PCSK6: variants seen among roughly 807,000 people sequenced by gnomAD.
PCSK6 encodes the protein proprotein convertase subtilisin/kexin type 6.
A neutral mutation model predicts 123.3 loss-of-function variants in PCSK6; 85 were observed. That is an observed-to-expected ratio of 0.69 (90% CI 0.58 to 0.83). PCSK6 has a LOEUF of 0.83. PCSK6 is among the 40% of genes least tolerant of loss of function. The pLI, the probability that PCSK6 is intolerant of heterozygous loss-of-function variation, is 0.00. For synonymous variants in PCSK6, 508 were observed against 516.0 expected, an observed-to-expected ratio of 0.98 and a Z score of 0.21; for missense variants, 1,191 against 1,282.3, an observed-to-expected ratio of 0.93 and a Z score of 1.09.
rs1437342868 is a variant in PCSK6 at position 101,329,773 on chromosome 15, T to A, written c.2077+1878A>T. 2.6e-5 allele frequency among the ~76,000 whole-genome samples: 4 copies of A among 152,228 alleles called. No homozygotes were observed. In the East Asian group the frequency reaches 7.7e-4, roughly 29 times the overall value. ...CAGCTTCCTTTGCTCAACCATGGCTTCTTTCCTGAGGCCCAGGCTTCCCTG... is the reference window on the plus strand; with the variant it reads ...CAGCTTCCTTTGCTCAACCATGGCTACTTTCCTGAGGCCCAGGCTTCCCTG... On this transcript the variant is annotated intron_variant, in intron 15 of 21. Transcript: ENST00000611716.
chr15:101,326,512 G>C (rs2040256942), intron 15 of PCSK6, 33 bp from the exon 16 acceptor site: 2 of 1,536,052 alleles, frequency 1.3e-6, no homozygotes, highest in African/African-American at 1.4e-5. Context: ...TTCATCCAGA[G>C]AGACGCCTTC....
In PCSK6 at chr15:101,307,299, G is replaced by A. The variant is rs1283349603; in HGVS notation, c.2726C>T (p.Ala909Val). 3 of 1,613,334 alleles carry A rather than the reference G, an allele frequency of 1.9e-6. No individual in the cohort carries two copies. The highest frequency in any genetic ancestry group is 2.2e-5 in the South Asian group (2 of 90,986). ...CCTGCTACAGTTCCTGCTGGAGCCT[G>A]CACAGCTCAAGCAGTTCTCGTCACA... ...RRCDENCLSC[A>V]GSSRNCSRCK... Residue 909 changes from alanine to valine, a missense_variant, in exon 21 of 22, where the codon GCA (alanine) becomes GTA (valine). Ala to Val is a moderately conservative substitution (Grantham distance 64). Transcript: ENST00000611716.
At chr15:101,346,966 C>G in intron 13 of PCSK6, 1 of 1,231,454 alleles carries the variant, frequency 8.1e-7, no homozygotes, top group Non-Finnish European at 1.0e-6. Flanking sequence ...GTCACGGCCC[C>G]GTGAAAGAGA....
intron 19 of PCSK6, among the ~76,000 whole-genome samples, chr15:101,314,324 G>T (rs571500621): frequency 2.0e-5 from 3 of 152,280 alleles, no homozygotes; most frequent in African/African-American, 7.2e-5. Flanking sequence ...ACCTCCTCTG[G>T]GCCAGGTGTC....
rs2039673431 is a variant in PCSK6, at chr15:101,304,100, A to G, written c.*1158T>C. 2 of 152,780 alleles carry G rather than the reference A, an allele frequency of 1.3e-5. No individual in the cohort carries two copies. The highest frequency in any genetic ancestry group is 3.8e-4 in the East Asian group (2 of 5,196). 9.5% of individuals were successfully genotyped at this position (152,780 alleles called of 1,614,324 possible). On this transcript the variant is annotated 3_prime_UTR_variant, in exon 22 of 22. Transcript: ENST00000611716. Reference sequence around the variant, plus strand: ...GGGGAGCAGGACAATATGGAGAAAGACGAGGTCGAAAAAATTTAAGGCAAA... The same window carrying G: ...GGGGAGCAGGACAATATGGAGAAAGGCGAGGTCGAAAAAATTTAAGGCAAA...
At chr15:101,480,429 C>T (rs937228507) in intron 1 of PCSK6, among the ~76,000 whole-genome samples, 7 of 152,254 alleles carry the variant, frequency 4.6e-5, no homozygotes, top group Non-Finnish European at 7.3e-5. Context: ...TTCCTTTCCA[C>T]GGTGCCCCTG....
At chr15:101,381,313 G>A (rs1045125133) in intron 11 of PCSK6, among the ~76,000 whole-genome samples, 3 of 152,080 alleles carry the variant, frequency 2.0e-5, no homozygotes, top group African/African-American at 7.2e-5. Context: ...GCAGTGAGCC[G>A]GGATCATGCC....
chr15:101,460,907 G>A (rs1436747136), intron 1 of PCSK6, among the ~76,000 whole-genome samples: 2 of 152,132 alleles, frequency 1.3e-5, no homozygotes, highest in Admixed American at 1.3e-4. Flanking sequence ...CCCCGGGAAA[G>A]ATGTGTGTAA....
intron 6 of PCSK6, among the ~76,000 whole-genome samples, chr15:101,399,862 C>G (rs2042534891): frequency 6.6e-6 from 1 of 152,284 alleles, no homozygotes; most frequent in East Asian, 1.9e-4. Context: ...GGGCCCAGCT[C>G]TGTGTGTGCG....
intron 11 of PCSK6, among the ~76,000 whole-genome samples, chr15:101,376,191 C>G (rs999565591): frequency 6.6e-6 from 1 of 152,162 alleles, no homozygotes. Flanking sequence ...CTCCTGGGCT[C>G]AAGCGATCCT....
Position 101,489,615 on chromosome 15 carries a change from G to T in PCSK6, c.56C>A (p.Ala19Asp). The change falls in exon 1 of 22, where the codon GCC (alanine) becomes GAC (aspartate). Residue 19 changes from alanine (A) to aspartate (D), a missense_variant. Coordinates refer to ENST00000611716, the MANE Select transcript of PCSK6 (RefSeq NM_002570.5). ...PGPRPPPRAA[A>D]ATDTAAGAGG... The stretch of plus-strand genomic sequence containing the variant: ...CGCGCCCGCGGCGGTGTCGGTGGCG[G>T]CGGCGGCCCGGGGCGGCGGCCGGGG... 1 of 973,006 alleles carries T rather than the reference G, an allele frequency of 1.0e-6. No homozygotes were observed. Among genetic ancestry groups the T allele is most frequent in the Non-Finnish European group, 1.2e-6 (1 of 823,260 alleles). The allele number at this position is 973,006 out of a possible 1,614,324, so 60.3% of individuals were successfully genotyped here.
chr15:101,456,250 C>CTAA (rs2057176056), intron 1 of PCSK6, among the ~76,000 whole-genome samples: 2 of 111,790 alleles, frequency 1.8e-5, no homozygotes. Flanking sequence ...TGCTGATTCA[C>CTAA]GTAACAGCAG....
intron 21 of PCSK6, among the ~76,000 whole-genome samples, chr15:101,306,071 G>T (rs183017208): frequency 6.6e-6 from 1 of 151,974 alleles, no homozygotes; most frequent in Non-Finnish European, 1.5e-5. Context: ...GCCGGAGGAC[G>T]GGCCTGGAGG....
chr15:101,433,727 G>C (rs1265343447), intron 2 of PCSK6, among the ~76,000 whole-genome samples: 1 of 152,240 alleles, frequency 6.6e-6, no homozygotes, highest in Non-Finnish European at 1.5e-5. Flanking sequence ...CAGTCCCCAA[G>C]AGCAAAGGGA....
At chr15:101,409,402 A>T (rs9672285) in intron 6 of PCSK6, among the ~76,000 whole-genome samples, 1 of 149,834 alleles carries the variant, frequency 6.7e-6, no homozygotes, top group Non-Finnish European at 1.5e-5. Flanking sequence ...TGGCTAACAC[A>T]GTGAAACCCC....
At chr15:101,465,953 A>G (rs889848264) in intron 1 of PCSK6, among the ~76,000 whole-genome samples, 1 of 152,172 alleles carries the variant, frequency 6.6e-6, no homozygotes, top group African/African-American at 2.4e-5. Flanking sequence ...TGTAACAAAC[A>G]GAAAAGTTAC....
intron 6 of PCSK6, among the ~76,000 whole-genome samples, chr15:101,399,181 G>A (rs3784464): frequency 0.34 from 52,459 of 152,100 alleles, 9,845 homozygotes; most frequent in Non-Finnish European, 0.43. Context: ...GCTTACAGGC[G>A]TGAGCCACCA....
chr15:101,437,409 G>C (rs545458650), intron 2 of PCSK6, among the ~76,000 whole-genome samples: 1 of 152,274 alleles, frequency 6.6e-6, no homozygotes, highest in Admixed American at 6.5e-5. Flanking sequence ...AGTAAGCCCG[G>C]GCAGTAGAGG....
At chr15:101,411,036 T>A (rs140050538) in intron 6 of PCSK6, among the ~76,000 whole-genome samples, 1 of 152,284 alleles carries the variant, frequency 6.6e-6, no homozygotes, top group African/African-American at 2.4e-5. Flanking sequence ...CCCCAGGGCC[T>A]GGATCCCTAG....
Sources: gnomAD v4.1 joint callset for allele counts (sites outside exome capture counted in the v4.1 genomes callset) on GRCh38, gnomAD v4.1.1 for gene constraint, MANE v1.5 for transcripts, NCBI Gene and HGNC (gene_info 2026-07-23, HGNC 2026-07-21) for gene names.